Variants in ITPR1 observed in about 807,000 individuals in gnomAD.
ITPR1 encodes inositol 1,4,5-trisphosphate-gated calcium channel ITPR1.
ITPR1 carries 96 observed loss-of-function variants against 318.4 expected under a neutral mutation model. The observed-to-expected ratio is 0.30, with a 90% CI of 0.26 to 0.36. The LOEUF is 0.36. Ranked by LOEUF, ITPR1 falls within the 10% of genes least tolerant of loss-of-function variation. The probability of loss-of-function intolerance (pLI) is 1.00; values close to 1 mark genes in which losing one functional copy is unlikely to be tolerated. For synonymous variants in ITPR1, 1,312 were observed against 1,289.9 expected, an observed-to-expected ratio of 1.02 and a Z score of -0.37; for missense variants, 2,440 against 3,460.2, an observed-to-expected ratio of 0.71 and a Z score of 7.40.
At chr3:4,839,966 A>G (rs2051212252) in intron 61 of ITPR1, among the ~76,000 whole-genome samples, 2 of 149,538 alleles carry the variant, frequency 1.3e-5, no homozygotes, top group Non-Finnish European at 3.0e-5. Context: ...AAGTGCTTTT[A>G]CCAGGATTGA....
chr3:4,509,078 A>G (rs1472765514), intron 2 of ITPR1, among the ~76,000 whole-genome samples: 5 of 152,258 alleles, frequency 3.3e-5, no homozygotes, highest in African/African-American at 1.2e-4. Flanking sequence ...GAAAGTGAGC[A>G]TAAAGGGCCA....
At chr3:4,820,666 C>T (rs908364675) in intron 60 of ITPR1, among the ~76,000 whole-genome samples, 2 of 152,214 alleles carry the variant, frequency 1.3e-5, no homozygotes, top group Non-Finnish European at 2.9e-5. Flanking sequence ...CTTACAGCAT[C>T]AAGGAATTCT....
intron 4 of ITPR1, among the ~76,000 whole-genome samples, chr3:4,573,501 A>G (rs747446014): frequency 5.3e-5 from 8 of 152,336 alleles, no homozygotes; most frequent in Admixed American, 1.3e-4. Flanking sequence ...TATAAGCTAC[A>G]TATTGTCATT....
chr3:4,639,524 C>T (rs2093286338), intron 6 of ITPR1, 54 bp downstream of exon 6: 2 of 1,317,364 alleles, frequency 1.5e-6, no homozygotes, highest in African/African-American at 2.9e-5. Flanking sequence ...AAGAATGCAG[C>T]TGAGGAAACA....
intron 4 of ITPR1, among the ~76,000 whole-genome samples, chr3:4,606,091 A>G (rs1392252460): frequency 6.6e-6 from 1 of 152,134 alleles, no homozygotes; most frequent in Non-Finnish European, 1.5e-5. Flanking sequence ...TCCCCACTGA[A>G]TAAATTTTAA....
chr3:4,730,216 T>TA (rs538473209), intron 42 of ITPR1, among the ~76,000 whole-genome samples: 17,781 of 116,144 alleles, frequency 0.15, 1,882 homozygotes, highest in Non-Finnish European at 0.19. Flanking sequence ...ATCTCATCTT[T>TA]AAAAAAAAAA....
At chr3:4,604,373 G>A (rs114328330) in intron 4 of ITPR1, among the ~76,000 whole-genome samples, 10,934 of 152,080 alleles carry the variant, frequency 0.072, 1,252 homozygotes, top group African/African-American at 0.25. Flanking sequence ...GCACCAAGAT[G>A]TAAAGCATGT....
At chr3:4,705,294 G>C (rs936745617) in intron 36 of ITPR1, among the ~76,000 whole-genome samples, 1 of 152,154 alleles carries the variant, frequency 6.6e-6, no homozygotes, top group Middle Eastern at 3.2e-3. Context: ...AATACAGAGA[G>C]TTCCCACAAA....
intron 48 of ITPR1, 37 bp downstream of exon 48, chr3:4,777,411 A>C: frequency 7.6e-7 from 1 of 1,316,816 alleles, no homozygotes; most frequent in Non-Finnish European, 1.1e-6. Context: ...AGTCATTTGG[A>C]AACAGTCACT....
chr3:4,686,198 T>G (rs549052415), intron 30 of ITPR1, among the ~76,000 whole-genome samples: 2 of 152,282 alleles, frequency 1.3e-5, no homozygotes, highest in Admixed American at 1.3e-4. Flanking sequence ...CTGGCTCCAC[T>G]TCACTGTGGA....
chr3:4,666,170 A>G (rs922795002), intron 17 of ITPR1, among the ~76,000 whole-genome samples: 20 of 152,204 alleles, frequency 1.3e-4, no homozygotes, highest in Admixed American at 1.3e-4. Flanking sequence ...ACTTTATGTG[A>G]ACTATCCCTG....
At position 4,736,657 on chromosome 3, in the gene ITPR1, G is replaced by A. The variant is rs375264938; in HGVS notation, c.5544+1303G>A. On this transcript the variant is annotated intron_variant, in intron 44 of 61. Transcript: ENST00000649015. ...TGTCACGTGGGCACGAGTCGTACAC[G>A]TTGGGATTGCTTTTTATTTTGTCAT... Among the ~76,000 whole-genome samples, 33 of 152,356 alleles carry A rather than the reference G, an allele frequency of 2.2e-4. No homozygotes were observed. In the East Asian group the frequency reaches 3.3e-3, roughly 15 times the overall value.
At chr3:4,691,496 G>T (rs753530381) in intron 32 of ITPR1, among the ~76,000 whole-genome samples, 152 bp downstream of exon 32, 7 of 152,174 alleles carry the variant, frequency 4.6e-5, no homozygotes, top group Non-Finnish European at 7.3e-5. Flanking sequence ...GTCATCTCTT[G>T]TGTGAGCTTA....
In ITPR1 at chr3:4,683,416, C is replaced by A. The variant is rs1335319232; in HGVS notation, c.3192C>A (p.Asp1064Glu). Residue 1064 changes from aspartate (D) to glutamate (E), a missense_variant, in exon 27 of 62, where the codon GAC (aspartate) becomes GAA (glutamate). By Grantham distance (45) the Asp-to-Glu change is conservative (BLOSUM62 2). Around this residue, in one of 23 missense-constraint regions of ITPR1, gnomAD observed 76 missense variants for 132.2 expected, o/e 0.58. Coordinates refer to ENST00000649015, the MANE Select transcript of ITPR1 (RefSeq NM_001378452.1). ...SEENTPLDLD[D>E]HGGRTFLRVL... ...AGAACACCCCACTGGACTTGGATGA[C>A]CACGGCGGCAGAACCTTTCTCCGTG... The A allele has an allele frequency of 6.2e-7, 1 of 1,614,054 alleles. No homozygotes were observed. The highest frequency in any genetic ancestry group is 1.1e-5 in the South Asian group (1 of 91,086).
chr3:4,696,286 C>T (rs2094556785), intron 33 of ITPR1, among the ~76,000 whole-genome samples: 1 of 152,184 alleles, frequency 6.6e-6, no homozygotes, highest in Non-Finnish European at 1.5e-5. Context: ...CTGCCAACCC[C>T]CCTAATCCTA....
At chr3:4,828,709 C>T (rs75634085) in intron 60 of ITPR1, among the ~76,000 whole-genome samples, 3,285 of 152,260 alleles carry the variant, frequency 0.022, 103 homozygotes, top group South Asian at 0.13. Flanking sequence ...GTGTGGTTCT[C>T]TCTGCTGGGA....
intron 4 of ITPR1, among the ~76,000 whole-genome samples, chr3:4,561,697 G>A (rs1053933965): frequency 2.8e-4 from 43 of 152,048 alleles, no homozygotes; most frequent in African/African-American, 9.6e-4. Context: ...TTTTTTAATC[G>A]TAGCATTGGT....
chr3:4,825,647 A>G, intron 60 of ITPR1: 1 of 445,716 alleles, frequency 2.2e-6, no homozygotes, highest in Admixed American at 2.5e-5. Flanking sequence ...AAGCAAATAC[A>G]GAAAGCAACG....
intron 10 of ITPR1, among the ~76,000 whole-genome samples, chr3:4,647,326 C>T (rs561027291): frequency 9.2e-5 from 14 of 152,322 alleles, no homozygotes; most frequent in Non-Finnish European, 1.9e-4. Flanking sequence ...TTGTTCCCAA[C>T]TTCTGGCTAT....
Sources: gnomAD v4.1 joint callset for allele counts (sites outside exome capture counted in the v4.1 genomes callset) on GRCh38, gnomAD v4.1.1 for gene constraint, gnomAD v4.1.1 regional missense constraint, MANE v1.5 for transcripts, NCBI Gene and HGNC (gene_info 2026-07-23, HGNC 2026-07-21) for gene names.